C17orf99: variants seen among roughly 807,000 people sequenced by gnomAD.
C17orf99 encodes chromosome 17 open reading frame 99.
A neutral mutation model predicts 22.6 loss-of-function variants in C17orf99; 18 were observed. The observed-to-expected ratio is 0.80, with a 90% CI of 0.55 to 1.18. The LOEUF (loss-of-function observed/expected upper bound fraction) is 1.18, where lower values mean the gene tolerates loss of function less well. C17orf99 is among the 50% of genes most tolerant of loss of function. C17orf99 has a pLI of 0.00. For synonymous variants in C17orf99, 147 were observed against 136.6 expected, an observed-to-expected ratio of 1.08 and a Z score of -0.53; for missense variants, 328 against 342.7, an observed-to-expected ratio of 0.96 and a Z score of 0.34.
chr17:78,164,728 GC>G, intron 4 of C17orf99: 1 of 1,329,058 alleles, frequency 7.5e-7, no homozygotes, highest in Middle Eastern at 2.8e-4. Flanking sequence ...GTCCAACCGG[GC>G]CCTGGCTGCA....
At position 78,157,400 on chromosome 17, in the gene C17orf99, C is replaced by T. The variant is rs139004271; in HGVS notation, c.71-3555C>T. ...ACAGGGTTGAGTCAGTGAGTTCGTGCGAGTTGGAATCGAAGCCTCTTAAAA... is the reference window on the plus strand; with the variant it reads ...ACAGGGTTGAGTCAGTGAGTTCGTGTGAGTTGGAATCGAAGCCTCTTAAAA... On this transcript the variant is annotated intron_variant, in intron 2 of 4. Transcript: ENST00000340363. 114 of 1,250,294 alleles carry T rather than the reference C, an allele frequency of 9.1e-5. No homozygotes were observed. In the Middle Eastern group the frequency reaches 2.4e-3, roughly 27 times the overall value. 77.5% of individuals were successfully genotyped at this position (1,250,294 alleles called of 1,614,324 possible).
chr17:78,164,350 C>A lies in C17orf99; in HGVS notation c.626C>A (p.Thr209Lys). 6.4e-7 allele frequency: 1 copy of A among 1,551,508 alleles called. No individual in the cohort carries two copies. Among genetic ancestry groups the A allele is most frequent in the Non-Finnish European group, 8.7e-7 (1 of 1,146,998 alleles). Residue 209 changes from threonine to lysine, a missense_variant, in exon 4 of 5, where the codon ACA becomes AAA. By Grantham distance (78) the Thr-to-Lys change is moderately conservative. Coordinates refer to ENST00000340363, the MANE Select transcript of C17orf99 (RefSeq NM_001163075.2). ...GCCAATGTCCAGCACAGCGCCCTCA[C>A]AGTGGTGCCCCCAGGTGAGAGGGCC... ...NNANVQHSALTVVPPGGDQKM... is the reference protein window; with the variant it reads ...NNANVQHSALKVVPPGGDQKM...
At chr17:78,151,566 C>G (rs371097315) in intron 2 of C17orf99, among the ~76,000 whole-genome samples, 1 of 152,110 alleles carries the variant, frequency 6.6e-6, no homozygotes, top group Non-Finnish European at 1.5e-5. Flanking sequence ...CCCAAGGCCC[C>G]GCGGGAGCAC....
At chr17:78,158,939 C>G (rs2075550633) in intron 2 of C17orf99, 1 of 163,022 alleles carries the variant, frequency 6.1e-6, no homozygotes, top group African/African-American at 2.4e-5. Flanking sequence ...AGACTGGGGA[C>G]CAGCCCCGTC....
At chr17:78,154,036 A>C (rs989765890) in intron 2 of C17orf99, among the ~76,000 whole-genome samples, 4 of 141,796 alleles carry the variant, frequency 2.8e-5, no homozygotes, top group African/African-American at 8.0e-5. Flanking sequence ...AGTGATTCTC[A>C]TGCCTCAGCC....
chr17:78,146,821 GTC>G lies in C17orf99; in HGVS notation c.38-54_38-53del. ...GCTTCAGCAGGTGGGTCTCGAGGCT[GTC>G]TCTGGTCTCCCCTCCACACCAGGCC... is the stretch of plus-strand genomic sequence containing the variant. On this transcript the variant is annotated intron_variant, in intron 1 of 4. Transcript: ENST00000340363. This position sits in a 1 kb window ranked among gnomAD's most constrained non-coding sequence, Gnocchi z 5.2. 1 of 1,519,018 alleles carries G rather than the reference GTC, an allele frequency of 6.6e-7. No individual in the cohort carries two copies. Among genetic ancestry groups the G allele is most frequent in the African/African-American group, 1.4e-5 (1 of 72,468 alleles). The allele number at this position is 1,519,018 out of a possible 1,614,324, so 94.1% of individuals were successfully genotyped here.
intron 4 of C17orf99, chr17:78,165,094 G>A (rs2075608249): frequency 9.5e-7 from 1 of 1,051,724 alleles, no homozygotes; most frequent in African/African-American, 1.7e-5. Context: ...AGCCTCCCAG[G>A]GTCCCCTCTC....
At chr17:78,155,727 A>G (rs2075520212) in intron 2 of C17orf99, among the ~76,000 whole-genome samples, 1 of 152,044 alleles carries the variant, frequency 6.6e-6, no homozygotes, top group Non-Finnish European at 1.5e-5. Flanking sequence ...CCTGGGTTCA[A>G]GTGATTCTCT....
intron 2 of C17orf99, among the ~76,000 whole-genome samples, chr17:78,159,718 T>C (rs1314552938): frequency 6.6e-6 from 1 of 152,064 alleles, no homozygotes; most frequent in African/African-American, 2.4e-5. Context: ...ATTAGGCAGT[T>C]ACTCCCCATT....
intron 2 of C17orf99, among the ~76,000 whole-genome samples, chr17:78,152,025 A>T (rs1169699490): frequency 6.6e-6 from 1 of 152,034 alleles, no homozygotes; most frequent in African/African-American, 2.4e-5. Context: ...TGAGCCCTCC[A>T]CAGTTTCCCT....
At chr17:78,151,380 T>C (rs1297136665) in intron 2 of C17orf99, among the ~76,000 whole-genome samples, 1 of 121,856 alleles carries the variant, frequency 8.2e-6, no homozygotes, top group Admixed American at 1.1e-4. Context: ...GCCGAGATCG[T>C]GCCACTGCAC....
intron 3 of C17orf99, among the ~76,000 whole-genome samples, chr17:78,163,251 A>T (rs2075591828): frequency 1.3e-5 from 2 of 152,008 alleles, no homozygotes. Flanking sequence ...CCCTGTCTCT[A>T]AAATAATAAT....
At chr17:78,157,926 C>T in intron 2 of C17orf99, 2 of 1,138,210 alleles carry the variant, frequency 1.8e-6, no homozygotes, top group South Asian at 2.4e-5. Context: ...CTGGTTGGTA[C>T]TGACATCTTT....
intron 3 of C17orf99, 37 bp from the exon 4 acceptor site, chr17:78,164,058 T>C: frequency 6.6e-7 from 1 of 1,522,710 alleles, no homozygotes; most frequent in Non-Finnish European, 8.9e-7. Flanking sequence ...TTAAAACCGC[T>C]CAGCCATGCC....
chr17:78,164,586 A>C, intron 4 of C17orf99: 2 of 1,528,010 alleles, frequency 1.3e-6, no homozygotes, highest in Non-Finnish European at 1.8e-6. Context: ...CAGGGCACCC[A>C]CCATCGTGCT....
At chr17:78,151,223 C>G (rs1232767004) in intron 2 of C17orf99, among the ~76,000 whole-genome samples, 6 of 148,526 alleles carry the variant, frequency 4.0e-5, no homozygotes, top group African/African-American at 1.5e-4. Context: ...TCAGATGTTC[C>G]AGACCAGCCT....
chr17:78,146,916 G>C lies in C17orf99; in HGVS notation c.70+5G>C, dbSNP rs2075441703. 6.4e-7 allele frequency: 1 copy of C among 1,551,490 alleles called. No homozygotes were observed. Among genetic ancestry groups the C allele is most frequent in the South Asian group, 1.2e-5 (1 of 84,058 alleles). On this transcript the variant is annotated splice_donor_5th_base_variant and intron_variant, in intron 2 of 4. Transcript: ENST00000340363. This position sits in a 1 kb window ranked among gnomAD's most constrained non-coding sequence, Gnocchi z 5.2. ...TCTCCAAGGCACGGGAGGAAGGTAA[G>C]TGGCATAGCCTGCTGCAGGGAGAAG...
chr17:78,165,986 G>T lies in C17orf99; in HGVS notation c.738G>T (p.Glu246Asp). The T allele has an allele frequency of 6.7e-7, 1 of 1,499,862 alleles. No homozygotes were observed. Among genetic ancestry groups the T allele is most frequent in the Non-Finnish European group, 9.0e-7 (1 of 1,115,232 alleles). The allele number at this position is 1,499,862 out of a possible 1,614,324, so 92.9% of individuals were successfully genotyped here. The change falls in exon 5 of 5, where the codon GAG (glutamate) becomes GAT (aspartate). Residue 246 changes from glutamate (E) to aspartate (D), a missense_variant. Transcript: ENST00000340363. ...GCACCCGCCGTCTGAGTGAAGAGGA[G>T]TTTGGGGGGTTCAGGATAGGGAATG... Reference protein sequence around the residue: ...YRSTRRLSEEEFGGFRIGNGE... With the variant: ...YRSTRRLSEEDFGGFRIGNGE...
rs1407258784 is a variant in C17orf99, at chr17:78,164,575, C to T, written c.640+211C>T. Reference sequence around the variant, plus strand: ...CTCCGCCCCCTCCCAGGAGGGTTGCCCAGGGCACCCACCATCGTGCTGGTT... The same window carrying T: ...CTCCGCCCCCTCCCAGGAGGGTTGCTCAGGGCACCCACCATCGTGCTGGTT... On this transcript the variant is annotated intron_variant, in intron 4 of 4. Transcript: ENST00000340363. 4 of 1,530,608 alleles carry T rather than the reference C, an allele frequency of 2.6e-6. No homozygotes were observed. The South Asian group carries it at 4.8e-5, about 18-fold the overall frequency. 94.8% of individuals were successfully genotyped at this position (1,530,608 alleles called of 1,614,324 possible).
Sources: allele counts gnomAD v4.1 joint callset (sites outside exome capture counted in the v4.1 genomes callset), GRCh38; gene constraint gnomAD v4.1.1; non-coding constraint Gnocchi (gnomAD v3.1); transcripts MANE v1.5; gene names NCBI Gene and HGNC (gene_info 2026-07-23, HGNC 2026-07-21).